The following ADAP2 variants were observed in gnomAD, a reference collection of about 807,000 sequenced individuals.
The protein encoded by ADAP2 is arf-GAP with dual PH domain-containing protein 2.
Under a neutral mutation model 54.9 loss-of-function variants are expected in ADAP2, and 42 were observed. That is an observed-to-expected ratio of 0.77 (90% confidence interval 0.60 to 0.99). ADAP2 has a LOEUF of 0.99. Among genes scored for constraint, ADAP2 ranks in the 50% least tolerant of loss-of-function variants. The probability of loss-of-function intolerance (pLI) is 0.00; values close to 1 mark genes in which losing one functional copy is unlikely to be tolerated. For synonymous variants in ADAP2, 177 were observed against 180.1 expected (o/e 0.98, Z 0.14); for missense variants, 429 against 480.4 (o/e 0.89, Z 1.00).
chr17:30,945,075 C>T (rs780947629), intron 6 of ADAP2, 22 bp downstream of exon 6: 1 of 1,612,176 alleles, frequency 6.2e-7, no homozygotes, highest in South Asian at 1.1e-5. Context: ...GGAGTTGCCA[C>T]CTCCGCCTCC....
chr17:30,953,173 C>G, intron 7 of ADAP2, 115 bp from the exon 8 acceptor site: 1 of 844,924 alleles, frequency 1.2e-6, no homozygotes, highest in Non-Finnish European at 2.0e-6. Context: ...TACTGTGAGC[C>G]ATGAGCGTAC....
intron 7 of ADAP2, 25 bp from the exon 8 acceptor site, chr17:30,953,263 G>A (rs1904812437): frequency 6.2e-7 from 1 of 1,613,560 alleles, no homozygotes; most frequent in Non-Finnish European, 8.5e-7. Context: ...TGAGTTGGGG[G>A]TCAGTGTCTG....
chr17:30,953,272 T>G lies in ADAP2; in HGVS notation c.742-16T>G. 1.9e-6 allele frequency: 3 copies of G among 1,613,980 alleles called. No homozygotes were observed. The highest frequency in any genetic ancestry group is 2.5e-6 in the Non-Finnish European group (3 of 1,179,922). ...GGGGTGTGAGTTGGGGGTCAGTGTC[T>G]GTCTCTCTTCCCCAGCTCGTGCCAT... On this transcript the variant is annotated splice_polypyrimidine_tract_variant and intron_variant, in intron 7 of 10. Transcript: ENST00000330889.
At position 30,934,863 on chromosome 17, in the gene ADAP2, A is replaced by G. The variant is rs1448248271; in HGVS notation, c.510+566A>G. On this transcript the variant is annotated intron_variant, in intron 5 of 10. Coordinates refer to ENST00000330889, the MANE Select transcript of ADAP2 (RefSeq NM_018404.3). Reference sequence around the variant, plus strand: ...AGCCTGGGCAACATGGTGAAGCCCCATCTCTACAAAAAATACAAAAATTAG... The same window carrying G: ...AGCCTGGGCAACATGGTGAAGCCCCGTCTCTACAAAAAATACAAAAATTAG... Among the ~76,000 whole-genome samples, 5 of 151,986 alleles carry G rather than the reference A, an allele frequency of 3.3e-5. No homozygotes were observed. In the East Asian group the frequency reaches 9.7e-4, roughly 30 times the overall value.
chr17:30,954,948 G>A (rs140662430), intron 9 of ADAP2, among the ~76,000 whole-genome samples: 24 of 152,198 alleles, frequency 1.6e-4, no homozygotes, highest in Non-Finnish European at 2.6e-4. Context: ...GCCTTGAGCC[G>A]TGTACTTAGT....
chr17:30,945,907 A>C (rs1912635213), intron 6 of ADAP2, among the ~76,000 whole-genome samples: 1 of 150,120 alleles, frequency 6.7e-6, no homozygotes, highest in Non-Finnish European at 1.5e-5. Flanking sequence ...TAATCCCAGC[A>C]CTTTGGGAGG....
rs577590380 is a variant in ADAP2, at chr17:30,927,008, TG to T, written c.317+92del. On this transcript the variant is annotated intron_variant, in intron 3 of 10. Coordinates refer to ENST00000330889, the MANE Select transcript of ADAP2 (RefSeq NM_018404.3). ...CCATCTTTGGTGTCTTCATCTGTGG[TG>T]GTCTCTTCTATGGGCCTGGTGCGCA... The T allele has an allele frequency of 8.9e-4, 917 of 1,026,884 alleles. 7 individuals carry two copies. The highest frequency in any genetic ancestry group is 4.8e-3 in the Middle Eastern group (20 of 4,166). The allele number at this position is 1,026,884 out of a possible 1,614,324, so 63.6% of individuals were successfully genotyped here.
chr17:30,937,271 A>G (rs1273640322), intron 5 of ADAP2, among the ~76,000 whole-genome samples: 1 of 144,438 alleles, frequency 6.9e-6, no homozygotes, highest in Non-Finnish European at 1.5e-5. Flanking sequence ...GCTCAGGTTG[A>G]AGTGCAATGG....
intron 5 of ADAP2, among the ~76,000 whole-genome samples, chr17:30,944,567 C>T (rs1037372335): frequency 6.6e-6 from 1 of 152,228 alleles, no homozygotes; most frequent in Admixed American, 6.5e-5. Flanking sequence ...TCAAACCACT[C>T]TCCTGCCTCA....
rs561791177 is a variant in ADAP2, at chr17:30,951,987, C to G, written c.742-1301C>G. Among the ~76,000 whole-genome samples, 10 of 152,262 alleles carry G rather than the reference C, an allele frequency of 6.6e-5. No homozygotes were observed. The South Asian group carries it at 2.1e-3, about 32-fold the overall frequency. Reference sequence around the variant, plus strand: ...TTCATTTTTGGCTCACAAATTTCCCCCTTTTAAACTTCCCATAGCTGTTCC... The same window carrying G: ...TTCATTTTTGGCTCACAAATTTCCCGCTTTTAAACTTCCCATAGCTGTTCC... On this transcript the variant is annotated intron_variant, in intron 7 of 10. Coordinates refer to ENST00000330889, the MANE Select transcript of ADAP2 (RefSeq NM_018404.3).
intron 5 of ADAP2, among the ~76,000 whole-genome samples, chr17:30,936,823 T>C (rs2142537589): frequency 1.3e-5 from 2 of 152,328 alleles, no homozygotes; most frequent in South Asian, 2.1e-4. Flanking sequence ...AAGTCACTTA[T>C]ACATGTAGGA....
chr17:30,926,425 T>A (rs1911063013), intron 2 of ADAP2, among the ~76,000 whole-genome samples: 1 of 152,198 alleles, frequency 6.6e-6, no homozygotes, highest in South Asian at 2.1e-4. Flanking sequence ...GTCCTGGCCA[T>A]CTGTGGAAGG....
chr17:30,927,447 A>G (rs1231944163), intron 3 of ADAP2, among the ~76,000 whole-genome samples: 1 of 151,796 alleles, frequency 6.6e-6, no homozygotes, highest in African/African-American at 2.4e-5. Flanking sequence ...GCCTGTCTCT[A>G]CTAAAAATAC....
In ADAP2 at chr17:30,957,972, G is replaced by A; in HGVS notation, c.*103G>A. The A allele has an allele frequency of 8.9e-7, 1 of 1,129,428 alleles. No homozygotes were observed. The highest frequency in any genetic ancestry group is 1.3e-6 in the Non-Finnish European group (1 of 760,558). 70.0% of individuals were successfully genotyped at this position (1,129,428 alleles called of 1,614,324 possible). A position where few individuals can be genotyped will look rare whatever the true frequency, so the allele number is the denominator to read the frequency against. The stretch of plus-strand genomic sequence containing the variant: ...GCCCACCATCAGTGCCCCGCAGTCA[G>A]CAGCCATTCCTGGCAGTGAACTCTG... On this transcript the variant is annotated 3_prime_UTR_variant, in exon 11 of 11. Coordinates refer to ENST00000330889, the MANE Select transcript of ADAP2 (RefSeq NM_018404.3).
intron 2 of ADAP2, 129 bp from the exon 3 acceptor site, chr17:30,926,698 A>G: frequency 1.3e-6 from 1 of 761,454 alleles, no homozygotes; most frequent in Non-Finnish European, 2.2e-6. Flanking sequence ...AGTATGGATG[A>G]CCAAGCCCGG....
At chr17:30,945,878 G>A (rs1029531754) in intron 6 of ADAP2, among the ~76,000 whole-genome samples, 1 of 151,466 alleles carries the variant, frequency 6.6e-6, no homozygotes, top group Non-Finnish European at 1.5e-5. Flanking sequence ...AAGAGGCCGG[G>A]CGCGGTGGCT....
At chr17:30,940,759 G>A (rs1912216580) in intron 5 of ADAP2, among the ~76,000 whole-genome samples, 1 of 152,232 alleles carries the variant, frequency 6.6e-6, no homozygotes, top group African/African-American at 2.4e-5. Context: ...TCCTGGGGGA[G>A]AAGGACTCTC....
intron 7 of ADAP2, 139 bp downstream of exon 7, chr17:30,949,509 G>T: frequency 1.5e-6 from 1 of 687,880 alleles, no homozygotes; most frequent in East Asian, 2.9e-5. Flanking sequence ...AGCACTTTGG[G>T]AGGCTGAGGC....
rs28510206 is a variant in ADAP2 at position 30,931,806 on chromosome 17, G to T, written c.318-83G>T. 31,966 of 1,022,136 alleles carry T rather than the reference G, an allele frequency of 0.031. 4,132 individuals carry two copies. In the African/African-American group the frequency reaches 0.36, roughly 11 times the overall value. 63.3% of individuals were successfully genotyped at this position (1,022,136 alleles called of 1,614,324 possible). On this transcript the variant is annotated intron_variant, in intron 3 of 10. Coordinates refer to ENST00000330889, the MANE Select transcript of ADAP2 (RefSeq NM_018404.3). ...ATCACACCACTGCACTCCAGCCTGG[G>T]CAACAGAGGGAGACCCTGTCTCAAA...
Sources: allele counts gnomAD v4.1 joint callset (sites outside exome capture counted in the v4.1 genomes callset), GRCh38; gene constraint gnomAD v4.1.1; transcripts MANE v1.5; gene names NCBI Gene and HGNC (gene_info 2026-07-23, HGNC 2026-07-21).